EXOC5: variants seen among roughly 807,000 people sequenced by gnomAD.
The protein encoded by EXOC5 is exocyst complex component 5, also known as SEC10-like 1.
Under a neutral mutation model 90.8 loss-of-function variants are expected in EXOC5, and 17 were observed. That is an observed-to-expected ratio of 0.19 (90% CI 0.13 to 0.28). EXOC5 has a LOEUF of 0.28. Among genes scored for constraint, EXOC5 ranks in the 10% least tolerant of loss-of-function variants. The pLI is 1.00. For synonymous variants in EXOC5, 260 were observed against 270.0 expected (o/e 0.96, Z 0.36); for missense variants, 569 against 830.6 (o/e 0.69, Z 3.87).
chr14:57,225,068 A>C (rs933053302), intron 12 of EXOC5, among the ~76,000 whole-genome samples: 1 of 152,184 alleles, frequency 6.6e-6, no homozygotes, highest in Non-Finnish European at 1.5e-5. Flanking sequence ...TCTCCAAAAA[A>C]AAAAGGCCAA....
intron 1 of EXOC5, 24 bp downstream of exon 1, chr14:57,268,573 GCCTGCAAACCCCGGGCCTGCCACTC>G: frequency 6.4e-7 from 1 of 1,563,740 alleles, no homozygotes. Flanking sequence ...CCACCCAGCT[GCCTGCAAACCCCGGGCCTGCCACTC>G]CCTGTAGAGC....
At position 57,205,087 on chromosome 14, in the gene EXOC5, A is replaced by T. The variant is rs936584121; in HGVS notation, c.*3522T>A. On this transcript the variant is annotated 3_prime_UTR_variant, in exon 18 of 18. Coordinates refer to ENST00000621441, the MANE Select transcript of EXOC5 (RefSeq NM_006544.4). ...TTTTCATCTGTCAAATGGAAATAATAGTACCCAAATCCTAGGGTTGCTCTA... is the reference window on the plus strand; with the variant it reads ...TTTTCATCTGTCAAATGGAAATAATTGTACCCAAATCCTAGGGTTGCTCTA... 2 of 152,048 alleles carry T rather than the reference A, an allele frequency of 1.3e-5. No homozygotes were observed. Among genetic ancestry groups the T allele is most frequent in the African/African-American group, 4.8e-5 (2 of 41,450 alleles). 9.4% of individuals were successfully genotyped at this position (152,048 alleles called of 1,614,324 possible).
intron 5 of EXOC5, among the ~76,000 whole-genome samples, chr14:57,238,189 CTATT>C (rs1422679951): frequency 1.4e-5 from 2 of 148,048 alleles, no homozygotes; most frequent in Admixed American, 7.0e-5. Context: ...AAAATTGAAT[CTATT>C]TAGGATATAT....
intron 1 of EXOC5, among the ~76,000 whole-genome samples, chr14:57,266,679 T>TTATA (rs10631741): frequency 4.0e-5 from 6 of 149,952 alleles, no homozygotes; most frequent in African/African-American, 1.2e-4. Flanking sequence ...CTAAATTACA[T>TTATA]TATATATATG....
chr14:57,267,909 G>T (rs536902733), intron 1 of EXOC5, among the ~76,000 whole-genome samples: 2 of 152,182 alleles, frequency 1.3e-5, no homozygotes, highest in Admixed American at 6.5e-5. Flanking sequence ...GAAACGAAGT[G>T]TTCGTTTTAT....
At chr14:57,219,543 A>ATTTATTTT in intron 13 of EXOC5, 101 bp from the exon 14 acceptor site, 2 of 859,206 alleles carry the variant, frequency 2.3e-6, no homozygotes, top group Non-Finnish European at 1.8e-6. Context: ...ACATAAAATA[A>ATTTATTTT]ATGACACCGC....
chr14:57,221,455 C>T (rs1242922731), intron 13 of EXOC5, among the ~76,000 whole-genome samples: 2 of 152,156 alleles, frequency 1.3e-5, no homozygotes, highest in Admixed American at 1.3e-4. Context: ...TGTGGAGAGG[C>T]AAGAATGTAC....
chr14:57,255,408 T>A lies in EXOC5; in HGVS notation c.28-7696A>T, dbSNP rs548355135. On this transcript the variant is annotated intron_variant, in intron 1 of 17. Coordinates refer to ENST00000621441, the MANE Select transcript of EXOC5 (RefSeq NM_006544.4). Reference sequence around the variant, plus strand: ...TGTTCCTCTGGCACAGGACTCCACATACCATATCACACCAAAGGACCCAGG... The same window carrying A: ...TGTTCCTCTGGCACAGGACTCCACAAACCATATCACACCAAAGGACCCAGG... Among the ~76,000 whole-genome samples the A allele has an allele frequency of 5.9e-5, 9 of 152,226 alleles. No individual in the cohort carries two copies. The South Asian group carries it at 1.7e-3, about 28-fold the overall frequency.
At chr14:57,257,135 T>C (rs1381354738) in intron 1 of EXOC5, among the ~76,000 whole-genome samples, 2 of 152,076 alleles carry the variant, frequency 1.3e-5, no homozygotes, top group African/African-American at 4.8e-5. Context: ...CATGCATTCA[T>C]ATAAGTTGCT....
At chr14:57,213,907 T>C (rs1242128532) in intron 15 of EXOC5, among the ~76,000 whole-genome samples, 2 of 151,750 alleles carry the variant, frequency 1.3e-5, no homozygotes, top group African/African-American at 4.8e-5. Flanking sequence ...GAGGCATGGG[T>C]TGAAGAGAGC....
chr14:57,234,734 T>C (rs536755743), intron 7 of EXOC5, among the ~76,000 whole-genome samples: 1 of 151,604 alleles, frequency 6.6e-6, no homozygotes, highest in Admixed American at 6.6e-5. Flanking sequence ...CCGGCTAATT[T>C]TTGTATTTTC....
chr14:57,232,453 A>C (rs376918583), intron 10 of EXOC5: 8 of 325,990 alleles, frequency 2.5e-5, no homozygotes, highest in Admixed American at 4.8e-5. Flanking sequence ...TTAGAGAAAA[A>C]ATAAAGCATA....
rs1882475614 is a variant in EXOC5 at position 57,200,744 on chromosome 14, T to C, written c.*7865A>G. On this transcript the variant is annotated 3_prime_UTR_variant, in exon 18 of 18. Transcript: ENST00000621441. ...CCCTCCTCAATTCAGCTTTACTAAT[T>C]TGCTCACTACATTAAAAAAAAAAAA... The C allele has an allele frequency of 6.9e-6, 1 of 144,848 alleles. No homozygotes were observed. Among genetic ancestry groups the C allele is most frequent in the Non-Finnish European group, 1.5e-5 (1 of 67,692 alleles). 9.0% of individuals were successfully genotyped at this position (144,848 alleles called of 1,614,324 possible). A position where few individuals can be genotyped will look rare whatever the true frequency, so the allele number is the denominator to read the frequency against.
intron 12 of EXOC5, among the ~76,000 whole-genome samples, chr14:57,222,984 A>G (rs1247936597): frequency 6.6e-6 from 1 of 151,958 alleles, no homozygotes; most frequent in African/African-American, 2.4e-5. Flanking sequence ...ATAAAATATA[A>G]CTGGTTCAAA....
chr14:57,220,795 G>A (rs1477048401), intron 13 of EXOC5, among the ~76,000 whole-genome samples: 2 of 151,918 alleles, frequency 1.3e-5, no homozygotes, highest in Non-Finnish European at 2.9e-5. Context: ...GCGAGATTCT[G>A]TCTCAAAAAT....
intron 1 of EXOC5, among the ~76,000 whole-genome samples, chr14:57,267,757 T>C (rs1002029569): frequency 2.6e-5 from 4 of 152,174 alleles, no homozygotes; most frequent in African/African-American, 9.7e-5. Flanking sequence ...GAAATTAAAT[T>C]TTAAGGTTTA....
chr14:57,211,215 C>T (rs1882815971), intron 15 of EXOC5, among the ~76,000 whole-genome samples: 1 of 152,194 alleles, frequency 6.6e-6, no homozygotes, highest in Non-Finnish European at 1.5e-5. Flanking sequence ...AGCAACGTCA[C>T]CTTGTCACTA....
At chr14:57,246,977 G>A in intron 2 of EXOC5, 119 bp from the exon 3 acceptor site, 1 of 576,766 alleles carries the variant, frequency 1.7e-6, no homozygotes, top group East Asian at 3.3e-5. Flanking sequence ...AAATGATCAT[G>A]TTAATTTTTT....
chr14:57,210,653 C>T (rs1007208317), intron 15 of EXOC5, among the ~76,000 whole-genome samples: 2 of 152,288 alleles, frequency 1.3e-5, no homozygotes, highest in African/African-American at 2.4e-5. Context: ...CCCATGTGGA[C>T]AATCCGTGGC....
Sources: gnomAD v4.1 joint callset for allele counts (sites outside exome capture counted in the v4.1 genomes callset) on GRCh38, gnomAD v4.1.1 for gene constraint, MANE v1.5 for transcripts, NCBI Gene and HGNC (gene_info 2026-07-23, HGNC 2026-07-21) for gene names.